LVRN: variants seen among roughly 807,000 people sequenced by gnomAD.
LVRN encodes aminopeptidase Q.
In LVRN, 99 loss-of-function variants were observed where a neutral mutation model predicts 111.4. The ratio of observed to expected loss-of-function variants is 0.89; its 90% CI spans 0.76 to 1.05. The LOEUF (loss-of-function observed/expected upper bound fraction) is 1.05, where lower values mean the gene tolerates loss of function less well. LVRN is among the 50% of genes least tolerant of loss of function. LVRN has a pLI of 0.00. For synonymous variants in LVRN, 488 were observed against 449.5 expected, an observed-to-expected ratio of 1.09 and a Z score of -1.08; for missense variants, 1,414 against 1,206.8, an observed-to-expected ratio of 1.17 and a Z score of -2.54.
chr5:116,009,005 G>A (rs910077838), intron 13 of LVRN, among the ~76,000 whole-genome samples: 1 of 152,220 alleles, frequency 6.6e-6, no homozygotes, highest in Non-Finnish European at 1.5e-5. Flanking sequence ...TTTATAGCTA[G>A]AGAGGACAAG....
At chr5:116,011,672 A>G (rs1748492112) in intron 14 of LVRN, among the ~76,000 whole-genome samples, 1 of 152,212 alleles carries the variant, frequency 6.6e-6, no homozygotes, top group South Asian at 2.1e-4. Context: ...ACCAATGGGA[A>G]TTAAGCTGAG....
At chr5:115,999,066 C>T (rs918017067) in intron 6 of LVRN, among the ~76,000 whole-genome samples, 3 of 152,120 alleles carry the variant, frequency 2.0e-5, no homozygotes, top group Admixed American at 6.5e-5. Context: ...AGGCTGCGAA[C>T]GTGTGCCGGT....
Position 115,966,046 on chromosome 5 carries a change from C to G in LVRN, c.695+2734C>G, listed in dbSNP as rs189502165. Among the ~76,000 whole-genome samples the G allele has an allele frequency of 4.3e-4, 66 of 152,250 alleles. 1 individual carries two copies. In the East Asian group the frequency reaches 0.011, roughly 25 times the overall value. On this transcript the variant is annotated intron_variant, in intron 1 of 19. Coordinates refer to ENST00000357872, the MANE Select transcript of LVRN (RefSeq NM_173800.5). The stretch of plus-strand genomic sequence containing the variant: ...CCTAGGTACCCTTCATCTAGTTTAT[C>G]TTACATAATTATAGTACAATATCAA...
In LVRN at chr5:115,992,156, C is replaced by T. The variant is rs1748007037; in HGVS notation, c.1139C>T (p.Ala380Val). ...IIALPSFDNHAMENWGLMIFD... is the reference protein window; with the variant it reads ...IIALPSFDNHVMENWGLMIFD... ...GCCTTGCCTAGTTTTGACAACCATG[C>T]AATGGAAAACTGGGGACTAATGATA... Residue 380 changes from alanine to valine, a missense_variant, in exon 5 of 20, where the codon GCA becomes GTA. Transcript: ENST00000357872. 6.2e-7 allele frequency: 1 copy of T among 1,613,440 alleles called. No homozygotes were observed. The highest frequency in any genetic ancestry group is 8.5e-7 in the Non-Finnish European group (1 of 1,179,686).
intron 19 of LVRN, among the ~76,000 whole-genome samples, chr5:116,024,550 A>T (rs1357678997): frequency 1.3e-5 from 2 of 152,224 alleles, no homozygotes; most frequent in Non-Finnish European, 2.9e-5. Flanking sequence ...AGAAAAGCAC[A>T]TTACACCCAG....
At position 115,993,759 on chromosome 5, in the gene LVRN, A is replaced by G. The variant is rs1195350805; in HGVS notation, c.1279A>G (p.Thr427Ala). The change falls in exon 6 of 20, where the codon ACC (threonine) becomes GCC (alanine). Residue 427 changes from threonine (T) to alanine (A), a missense_variant. Physicochemically the swap from Thr to Ala is moderately conservative, Grantham distance 58 (BLOSUM62 0). Transcript: ENST00000357872. Reference protein sequence around the residue: ...IGHQWFGNLVTMNWWNNIWLN... With the variant: ...IGHQWFGNLVAMNWWNNIWLN... ...CCAAAAGTGGTTTGGAAACTTGGTT[A>G]CCATGAATTGGTGGAACAATATCTG... 1 of 1,605,060 alleles carries G rather than the reference A, an allele frequency of 6.2e-7. No homozygotes were observed. The highest frequency in any genetic ancestry group is 1.3e-5 in the African/African-American group (1 of 74,578).
intron 1 of LVRN, among the ~76,000 whole-genome samples, chr5:115,970,331 T>G (rs1039765191): frequency 3.9e-5 from 6 of 152,172 alleles, no homozygotes; most frequent in African/African-American, 1.4e-4. Context: ...TCATACAATA[T>G]GTACTCTCAT....
chr5:115,968,416 A>G (rs1397168870), intron 1 of LVRN, among the ~76,000 whole-genome samples: 2 of 146,182 alleles, frequency 1.4e-5, no homozygotes, highest in Non-Finnish European at 3.0e-5. Context: ...GAAAATATTG[A>G]GCCAGCCTTA....
At chr5:115,988,026 A>T in intron 4 of LVRN, 87 bp downstream of exon 4, 1 of 1,500,996 alleles carries the variant, frequency 6.7e-7, no homozygotes, top group Non-Finnish European at 9.0e-7. Flanking sequence ...ACAAACCCAT[A>T]AGGATTCACC....
Position 116,000,667 on chromosome 5 carries a change from C to G in LVRN, c.1647+9C>G, listed in dbSNP as rs772830003. On this transcript the variant is annotated intron_variant, in intron 9 of 19. Coordinates refer to ENST00000357872, the MANE Select transcript of LVRN (RefSeq NM_173800.5). ...GGAGGCATTTTCAAATGGTAATTGT[C>G]CTACTTTCTGACACATTCTTGCTGA... is the stretch of plus-strand genomic sequence containing the variant. The G allele has an allele frequency of 2.4e-5, 38 of 1,612,792 alleles. 1 individual carries two copies. In the South Asian group the frequency reaches 3.4e-4, roughly 14 times the overall value.
chr5:116,013,821 A>G (rs775405795), intron 15 of LVRN, among the ~76,000 whole-genome samples: 2 of 152,158 alleles, frequency 1.3e-5, no homozygotes, highest in Admixed American at 6.5e-5. Flanking sequence ...ATTCTTTTGA[A>G]CTTATTTTGT....
intron 12 of LVRN, among the ~76,000 whole-genome samples, chr5:116,005,620 G>A (rs1157164292): frequency 6.6e-6 from 1 of 152,088 alleles, no homozygotes; most frequent in Non-Finnish European, 1.5e-5. Context: ...TTTTAAATTT[G>A]GTTGCCTGTT....
chr5:115,966,908 A>AT lies in LVRN; in HGVS notation c.695+3603dup, dbSNP rs201838991. ...TCTCCAATGACTAATGATGTTAAACATTTTTTTGTGTGCTTATTTGCCATC... is the reference window on the plus strand; with the variant it reads ...TCTCCAATGACTAATGATGTTAAACATTTTTTTTGTGTGCTTATTTGCCATC... On this transcript the variant is annotated intron_variant, in intron 1 of 19. Coordinates refer to ENST00000357872, the MANE Select transcript of LVRN (RefSeq NM_173800.5). 7.9e-5 allele frequency among the ~76,000 whole-genome samples: 12 copies of AT among 152,226 alleles called. No homozygotes were observed. The East Asian group carries it at 2.1e-3, about 27-fold the overall frequency.
chr5:115,973,299 G>C (rs1204067309), intron 1 of LVRN, among the ~76,000 whole-genome samples: 1 of 152,160 alleles, frequency 6.6e-6, no homozygotes, highest in African/African-American at 2.4e-5. Flanking sequence ...TATTAGATTT[G>C]ATTTGCTCAA....
intron 1 of LVRN, among the ~76,000 whole-genome samples, chr5:115,968,091 C>A (rs187579269): frequency 1.7e-3 from 264 of 152,230 alleles, no homozygotes; most frequent in Admixed American, 6.1e-3. Context: ...CTTTTCCTGC[C>A]TGATTGTGTT....
intron 15 of LVRN, among the ~76,000 whole-genome samples, chr5:116,013,261 A>T (rs893304342): frequency 3.3e-5 from 5 of 152,172 alleles, no homozygotes; most frequent in Non-Finnish European, 7.4e-5. Context: ...GTGCTAAGGG[A>T]TGTGATTAGA....
chr5:115,984,063 C>G (rs550183353), intron 2 of LVRN, among the ~76,000 whole-genome samples: 7 of 152,184 alleles, frequency 4.6e-5, no homozygotes, highest in Non-Finnish European at 1.0e-4. Context: ...CCTCACCACT[C>G]CCTATTAGGT....
At chr5:116,014,729 A>G (rs17406627) in intron 16 of LVRN, among the ~76,000 whole-genome samples, 3,767 of 152,306 alleles carry the variant, frequency 0.025, 65 homozygotes, top group Middle Eastern at 0.051. Flanking sequence ...AATTTATACA[A>G]TGAATTGTCA....
chr5:115,972,846 C>G (rs1181533681), intron 1 of LVRN, among the ~76,000 whole-genome samples: 1 of 151,686 alleles, frequency 6.6e-6, no homozygotes, highest in Non-Finnish European at 1.5e-5. Flanking sequence ...TATTCTGCAT[C>G]TTTTGAGATG....
Sources: allele counts gnomAD v4.1 joint callset (sites outside exome capture counted in the v4.1 genomes callset), GRCh38; gene constraint gnomAD v4.1.1; transcripts MANE v1.5; gene names NCBI Gene and HGNC (gene_info 2026-07-23, HGNC 2026-07-21).